The following SLC24A3 variants were observed in gnomAD, a reference collection of about 807,000 sequenced individuals.
The protein encoded by SLC24A3 is solute carrier family 24 member 3.
In SLC24A3, 28 loss-of-function variants were observed where a neutral mutation model predicts 75.8. The ratio of observed to expected loss-of-function variants is 0.37; its 90% CI spans 0.27 to 0.51. The LOEUF (loss-of-function observed/expected upper bound fraction) is 0.51. SLC24A3 is among the 20% of genes least tolerant of loss of function. SLC24A3 has a pLI of 0.94. For synonymous variants in SLC24A3, 372 were observed against 334.1 expected (o/e 1.11, Z -1.24); for missense variants, 663 against 847.8 (o/e 0.78, Z 2.71).
chr20:19,316,860 G>T (rs903527579), intron 2 of SLC24A3, among the ~76,000 whole-genome samples: 5 of 152,006 alleles, frequency 3.3e-5, no homozygotes, highest in African/African-American at 1.2e-4. Context: ...AAGTTCAGGG[G>T]TACATGTGCA....
chr20:19,484,870 T>C (rs919933766), intron 2 of SLC24A3, among the ~76,000 whole-genome samples: 2 of 152,090 alleles, frequency 1.3e-5, no homozygotes, highest in Non-Finnish European at 2.9e-5. Flanking sequence ...AACGAAAAAA[T>C]TAAAACTAAC....
At chr20:19,376,461 C>T (rs760162957) in intron 2 of SLC24A3, among the ~76,000 whole-genome samples, 16 of 152,152 alleles carry the variant, frequency 1.1e-4, no homozygotes, top group Non-Finnish European at 1.9e-4. Context: ...TTGCCTTGTG[C>T]GCTGCTGTAT....
intron 2 of SLC24A3, among the ~76,000 whole-genome samples, chr20:19,376,010 G>T (rs1986077334): frequency 2.0e-5 from 3 of 152,130 alleles, no homozygotes. Context: ...GGAAGTCGAG[G>T]ACAGCCTGGC....
chr20:19,319,071 T>C (rs1459307317), intron 2 of SLC24A3, among the ~76,000 whole-genome samples: 2 of 152,178 alleles, frequency 1.3e-5, no homozygotes, highest in African/African-American at 4.8e-5. Flanking sequence ...TGCCTGCCAG[T>C]GAGTTCACTG....
rs577879882 is a variant in SLC24A3 at position 19,708,280 on chromosome 20, C to T, written c.1720-9248C>T. Among the ~76,000 whole-genome samples the T allele has an allele frequency of 2.0e-5, 3 of 152,230 alleles. No homozygotes were observed. The East Asian group carries it at 5.8e-4, about 29-fold the overall frequency. Reference sequence around the variant, plus strand: ...GTATATTCTATGATGTGTATGCCTCCCCCTTAACTCCCTGAGGGCAGAAAC... The same window carrying T: ...GTATATTCTATGATGTGTATGCCTCTCCCTTAACTCCCTGAGGGCAGAAAC... On this transcript the variant is annotated intron_variant, in intron 15 of 16. Transcript: ENST00000328041.
chr20:19,351,363 G>A (rs960420746), intron 2 of SLC24A3, among the ~76,000 whole-genome samples: 5 of 152,036 alleles, frequency 3.3e-5, no homozygotes, highest in East Asian at 1.9e-4. Flanking sequence ...CAGTATCATC[G>A]CCTGCCTGTG....
chr20:19,684,827 G>A (rs1371091305), intron 11 of SLC24A3, among the ~76,000 whole-genome samples: 1 of 152,214 alleles, frequency 6.6e-6, no homozygotes, highest in African/African-American at 2.4e-5. Flanking sequence ...TGACATCACA[G>A]TGCACAGAGT....
At chr20:19,481,067 A>G (rs1254291815) in intron 2 of SLC24A3, among the ~76,000 whole-genome samples, 1 of 152,194 alleles carries the variant, frequency 6.6e-6, no homozygotes, top group Non-Finnish European at 1.5e-5. Flanking sequence ...AGTAGTGGTC[A>G]TTTTGGAGCA....
At chr20:19,696,299 C>A (rs6035418) in intron 13 of SLC24A3, 116,953 of 152,608 alleles carry the variant, frequency 0.77, 45,863 homozygotes, top group Non-Finnish European at 0.86. Context: ...GATTACAGGC[C>A]TGAGCCACCG....
intron 8 of SLC24A3, among the ~76,000 whole-genome samples, chr20:19,669,700 G>A (rs1420914507): frequency 6.6e-6 from 1 of 152,048 alleles, no homozygotes; most frequent in Non-Finnish European, 1.5e-5. Flanking sequence ...CTTTGGGAGA[G>A]AAAAGAGACC....
At chr20:19,424,709 A>G (rs1196427777) in intron 2 of SLC24A3, among the ~76,000 whole-genome samples, 4 of 148,150 alleles carry the variant, frequency 2.7e-5, no homozygotes, top group Non-Finnish European at 6.0e-5. Flanking sequence ...AGCCTGGGCA[A>G]CAGAGTGAGA....
At chr20:19,445,658 A>C (rs569891324) in intron 2 of SLC24A3, among the ~76,000 whole-genome samples, 1 of 152,336 alleles carries the variant, frequency 6.6e-6, no homozygotes, top group East Asian at 1.9e-4. Flanking sequence ...AACACCCATC[A>C]GCCATTAGTT....
chr20:19,604,492 G>A (rs187857142), intron 6 of SLC24A3, among the ~76,000 whole-genome samples: 2 of 152,324 alleles, frequency 1.3e-5, no homozygotes, highest in East Asian at 3.9e-4. Context: ...GCAGGGCTGG[G>A]TGGGGGGTCC....
At chr20:19,696,393 T>G (rs904366351) in intron 13 of SLC24A3, 40 of 162,184 alleles carry the variant, frequency 2.5e-4, no homozygotes, top group Non-Finnish European at 4.8e-4. Context: ...AAATTCCCAT[T>G]GTGCATCCTC....
intron 2 of SLC24A3, among the ~76,000 whole-genome samples, chr20:19,510,082 C>G (rs1345977280): frequency 6.6e-6 from 1 of 152,222 alleles, no homozygotes; most frequent in Non-Finnish European, 1.5e-5. Context: ...TGACAAAGAT[C>G]AATGACAATC....
intron 2 of SLC24A3, among the ~76,000 whole-genome samples, chr20:19,379,304 A>AG (rs983591609): frequency 6.6e-6 from 1 of 152,166 alleles, no homozygotes; most frequent in African/African-American, 2.4e-5. Flanking sequence ...TTCTGCCTTC[A>AG]GGGATCTTCA....
intron 2 of SLC24A3, among the ~76,000 whole-genome samples, chr20:19,304,728 A>G (rs1379544046): frequency 6.6e-6 from 1 of 152,230 alleles, no homozygotes; most frequent in African/African-American, 2.4e-5. Flanking sequence ...ACAAGGGGGA[A>G]AAAAGCATGC....
chr20:19,491,606 C>T (rs1988210074), intron 2 of SLC24A3, among the ~76,000 whole-genome samples: 1 of 152,174 alleles, frequency 6.6e-6, no homozygotes, highest in Admixed American at 6.5e-5. Flanking sequence ...CCCCCCATAC[C>T]TCCTCTACCC....
At chr20:19,372,545 T>C (rs1472899891) in intron 2 of SLC24A3, among the ~76,000 whole-genome samples, 1 of 152,230 alleles carries the variant, frequency 6.6e-6, no homozygotes, top group Admixed American at 6.5e-5. Context: ...GCAGGCTCAG[T>C]GTGTCGTTCA....
Sources: allele counts gnomAD v4.1 joint callset (sites outside exome capture counted in the v4.1 genomes callset), GRCh38; gene constraint gnomAD v4.1.1; transcripts MANE v1.5; gene names NCBI Gene and HGNC (gene_info 2026-07-23, HGNC 2026-07-21).